Variants in SLIT3 observed in about 807,000 individuals in gnomAD.
SLIT3 encodes the protein slit guidance ligand 3, also known as slit homolog 3 protein.
In SLIT3, 68 loss-of-function variants were observed where a neutral mutation model predicts 184.0. That is an observed-to-expected ratio of 0.37 (90% CI 0.30 to 0.45). SLIT3 has a LOEUF of 0.45. SLIT3 is among the 20% of genes least tolerant of loss of function. The pLI is 1.00. For missense variants in SLIT3, 1,707 were observed against 2,026.0 expected, an observed-to-expected ratio of 0.84 and a Z score of 3.02; for synonymous variants, 831 against 828.6, an observed-to-expected ratio of 1.00 and a Z score of -0.05.
intron 4 of SLIT3, among the ~76,000 whole-genome samples, chr5:169,028,112 T>G (rs1326880575): frequency 1.3e-5 from 2 of 152,194 alleles, no homozygotes; most frequent in African/African-American, 2.4e-5. Flanking sequence ...AGTGTGGCAC[T>G]GTGGTGGCTT....
At chr5:168,821,933 T>C (rs1420914299) in intron 7 of SLIT3, among the ~76,000 whole-genome samples, 1 of 152,236 alleles carries the variant, frequency 6.6e-6, no homozygotes, top group Non-Finnish European at 1.5e-5. Context: ...GTCTTTGTTT[T>C]ATCTTTGCCT....
At chr5:169,113,317 T>C (rs948152339) in intron 4 of SLIT3, among the ~76,000 whole-genome samples, 4 of 152,216 alleles carry the variant, frequency 2.6e-5, no homozygotes, top group Admixed American at 2.6e-4. Context: ...CGGAATCATA[T>C]AGTATTTGTA....
chr5:168,918,741 T>C (rs1292964408), intron 4 of SLIT3, among the ~76,000 whole-genome samples: 1 of 152,218 alleles, frequency 6.6e-6, no homozygotes, highest in Admixed American at 6.5e-5. Flanking sequence ...ACAGCTTCAG[T>C]GACACATTCA....
chr5:169,207,386 CACACACA>C (rs1764110365), intron 3 of SLIT3, among the ~76,000 whole-genome samples: 1 of 149,742 alleles, frequency 6.7e-6, no homozygotes, highest in South Asian at 2.1e-4. Flanking sequence ...CACACACACA[CACACACA>C]CACACACACA....
intron 3 of SLIT3, among the ~76,000 whole-genome samples, chr5:169,213,373 C>A (rs1237234852): frequency 2.6e-5 from 4 of 152,096 alleles, no homozygotes; most frequent in African/African-American, 9.7e-5. Context: ...TTTATAGATT[C>A]AATGCTATCC....
chr5:169,146,626 C>T (rs1285293791), intron 4 of SLIT3, among the ~76,000 whole-genome samples: 2 of 152,154 alleles, frequency 1.3e-5, no homozygotes, highest in Non-Finnish European at 1.5e-5. Flanking sequence ...CACCTCTCAC[C>T]CACCAGGATG....
intron 4 of SLIT3, among the ~76,000 whole-genome samples, chr5:169,122,137 C>T (rs1393142120): frequency 6.6e-6 from 1 of 151,850 alleles, no homozygotes; most frequent in Non-Finnish European, 1.5e-5. Context: ...TCACTAGGGC[C>T]TATGTTTAGG....
At chr5:168,886,420 GC>G (rs1760215054) in intron 4 of SLIT3, among the ~76,000 whole-genome samples, 1 of 152,118 alleles carries the variant, frequency 6.6e-6, no homozygotes, top group African/African-American at 2.4e-5. Context: ...AGAGCATGGA[GC>G]TATCATTAAG....
At chr5:169,082,963 TAG>T (rs1759132271) in intron 4 of SLIT3, among the ~76,000 whole-genome samples, 1 of 152,208 alleles carries the variant, frequency 6.6e-6, no homozygotes. Flanking sequence ...GCATCTTTCT[TAG>T]AGCTCCAAAG....
At chr5:168,673,125 G>A (rs1761303922) in intron 33 of SLIT3, 52 bp downstream of exon 33, 3 of 1,571,244 alleles carry the variant, frequency 1.9e-6, no homozygotes, top group South Asian at 2.2e-5. Flanking sequence ...TTTCTGTACT[G>A]GAGCACAGAG....
intron 4 of SLIT3, among the ~76,000 whole-genome samples, chr5:168,959,675 G>A (rs1401106496): frequency 6.6e-6 from 1 of 152,116 alleles, no homozygotes; most frequent in African/African-American, 2.4e-5. Flanking sequence ...GAGGGCGTCT[G>A]GAGCTTGAGG....
chr5:168,780,102 C>T (rs996378814), intron 12 of SLIT3, among the ~76,000 whole-genome samples: 2 of 152,270 alleles, frequency 1.3e-5, no homozygotes, highest in Admixed American at 1.3e-4. Context: ...GCAACTCCAG[C>T]AATTCACATG....
intron 5 of SLIT3, 56 bp downstream of exon 5, chr5:168,883,209 G>A (rs1413949206): frequency 4.2e-6 from 6 of 1,419,620 alleles, no homozygotes; most frequent in Non-Finnish European, 6.0e-6. Flanking sequence ...CCCTCACTCT[G>A]GTCAGAGAGC....
chr5:168,992,757 C>G (rs1030821865), intron 4 of SLIT3, among the ~76,000 whole-genome samples: 15 of 152,204 alleles, frequency 9.9e-5, no homozygotes, highest in African/African-American at 3.6e-4. Context: ...AGACATTGCT[C>G]TAAATGAATC....
intron 9 of SLIT3, among the ~76,000 whole-genome samples, chr5:168,799,902 A>C (rs1294854142): frequency 1.3e-5 from 2 of 152,138 alleles, no homozygotes; most frequent in Admixed American, 1.3e-4. Context: ...TGAATGGTGG[A>C]GCCTGAATTT....
At chr5:168,771,728 G>A (rs1181821604) in intron 14 of SLIT3, among the ~76,000 whole-genome samples, 1 of 152,218 alleles carries the variant, frequency 6.6e-6, no homozygotes, top group Admixed American at 6.5e-5. Context: ...AAGAGCTAAA[G>A]CTTATCATTC....
chr5:168,839,019 C>T (rs1758152185), intron 6 of SLIT3, among the ~76,000 whole-genome samples: 1 of 152,102 alleles, frequency 6.6e-6, no homozygotes. Flanking sequence ...TTGTTTTTCA[C>T]CCTCATAGGC....
At chr5:168,806,073 A>C (rs1756946386) in intron 9 of SLIT3, among the ~76,000 whole-genome samples, 1 of 152,222 alleles carries the variant, frequency 6.6e-6, no homozygotes, top group Non-Finnish European at 1.5e-5. Context: ...GACAGGCCAG[A>C]GAGAACATAC....
chr5:169,270,910 T>C (rs1195028155), intron 1 of SLIT3, among the ~76,000 whole-genome samples: 1 of 152,108 alleles, frequency 6.6e-6, no homozygotes, highest in East Asian at 1.9e-4. Context: ...TCCTCTTCCT[T>C]AGGTTGGGTT....
Sources: gnomAD v4.1 joint callset for allele counts (sites outside exome capture counted in the v4.1 genomes callset) on GRCh38, gnomAD v4.1.1 for gene constraint, MANE v1.5 for transcripts, NCBI Gene and HGNC (gene_info 2026-07-23, HGNC 2026-07-21) for gene names.